USP3: variants seen among roughly 807,000 people sequenced by gnomAD.
USP3 encodes the protein ubiquitin carboxyl-terminal hydrolase 3.
A neutral mutation model predicts 72.3 loss-of-function variants in USP3; 20 were observed. The ratio of observed to expected loss-of-function variants is 0.28; its 90% CI spans 0.19 to 0.40. USP3 has a LOEUF of 0.40. Ranked by LOEUF, USP3 falls within the 10% of genes least tolerant of loss-of-function variation. USP3 has a pLI of 1.00. For synonymous variants in USP3, 222 were observed against 225.3 expected, an observed-to-expected ratio of 0.99 and a Z score of 0.13; for missense variants, 479 against 633.9, an observed-to-expected ratio of 0.76 and a Z score of 2.62.
rs902139820 is a variant in USP3 at position 63,528,245 on chromosome 15, G to C, written c.92-4402G>C. 4.5e-4 allele frequency: 69 copies of C among 152,164 alleles called. No homozygotes were observed. The highest frequency in any genetic ancestry group is 1.4e-3 in the African/African-American group (60 of 41,430). The allele number at this position is 152,164 out of a possible 1,614,324, so 9.4% of individuals were successfully genotyped here. On this transcript the variant is annotated intron_variant, in intron 1 of 14. Transcript: ENST00000380324. The surrounding 1 kb of genome is among the most constrained non-coding windows in gnomAD (Gnocchi z 4.3). ...TGGAGGACGGGGTATCTTGGTTTGA[G>C]GAAATTTTACAATCTGAGTAAAAGA...
At chr15:63,590,471 G>C (rs2067174763) in intron 14 of USP3, among the ~76,000 whole-genome samples, 190 bp from the exon 15 acceptor site, 1 of 151,532 alleles carries the variant, frequency 6.6e-6, no homozygotes, top group East Asian at 1.9e-4. Context: ...AGGGCCATCT[G>C]CTTTGTGTTC....
chr15:63,582,661 G>C (rs1314528225), intron 11 of USP3, among the ~76,000 whole-genome samples: 2 of 152,148 alleles, frequency 1.3e-5, no homozygotes, highest in East Asian at 1.9e-4. Flanking sequence ...TGGTCACCTT[G>C]TAAGTTTAAG....
intron 1 of USP3, among the ~76,000 whole-genome samples, chr15:63,531,342 G>C (rs982078): frequency 0.81 from 122,538 of 152,188 alleles, 51,179 homozygotes; most frequent in Non-Finnish European, 0.86. Flanking sequence ...AATAAAATTG[G>C]TAGGTTAGAT....
At chr15:63,506,488 C>A (rs2065715237) in intron 1 of USP3, among the ~76,000 whole-genome samples, 1 of 152,258 alleles carries the variant, frequency 6.6e-6, no homozygotes, top group Admixed American at 6.5e-5. Context: ...TAGCACACTT[C>A]TGGCATTTTT....
chr15:63,538,883 T>C (rs904420009), intron 3 of USP3, among the ~76,000 whole-genome samples: 7 of 152,184 alleles, frequency 4.6e-5, no homozygotes, highest in Middle Eastern at 3.2e-3. Flanking sequence ...GGTTATTCAT[T>C]CAGATCACTA....
intron 7 of USP3, among the ~76,000 whole-genome samples, chr15:63,561,345 T>C (rs1337166128): frequency 1.3e-5 from 2 of 152,170 alleles, no homozygotes; most frequent in African/African-American, 4.8e-5. Context: ...ACTGCAGGGC[T>C]ATTGGTGAGC....
chr15:63,511,407 C>T (rs1363414810), intron 1 of USP3, among the ~76,000 whole-genome samples: 2 of 151,882 alleles, frequency 1.3e-5, no homozygotes, highest in East Asian at 3.9e-4. Flanking sequence ...TTAAGTTCCA[C>T]ATCTCAAAAA....
chr15:63,540,616 C>T (rs2066230875), intron 3 of USP3, among the ~76,000 whole-genome samples: 5 of 152,118 alleles, frequency 3.3e-5, no homozygotes, highest in Admixed American at 3.3e-4. Flanking sequence ...ACTTCATTTC[C>T]CTCCCAAGAT....
At chr15:63,565,397 T>C (rs1259408387) in intron 8 of USP3, among the ~76,000 whole-genome samples, 1 of 152,228 alleles carries the variant, frequency 6.6e-6, no homozygotes, top group African/African-American at 2.4e-5. Flanking sequence ...ACACTTCTTA[T>C]GATTTCTTAG....
chr15:63,592,480 T>C lies in USP3; in HGVS notation c.*1654T>C, dbSNP rs2067222846. On this transcript the variant is annotated 3_prime_UTR_variant, in exon 15 of 15. Coordinates refer to ENST00000380324, the MANE Select transcript of USP3 (RefSeq NM_006537.4). Reference sequence around the variant, plus strand: ...TTTTTTTTTTTTAATGGAGTCTTACTCTGTCCCTCAGGCTGGAGTGCAGTG... The same window carrying C: ...TTTTTTTTTTTTAATGGAGTCTTACCCTGTCCCTCAGGCTGGAGTGCAGTG... The C allele has an allele frequency of 6.7e-6, 1 of 149,132 alleles. No individual in the cohort carries two copies. The highest frequency in any genetic ancestry group is 2.5e-5 in the African/African-American group (1 of 40,416). 9.2% of individuals were successfully genotyped at this position (149,132 alleles called of 1,614,324 possible).
intron 5 of USP3, 50 bp from the exon 6 acceptor site, chr15:63,558,056 G>T: frequency 6.3e-7 from 1 of 1,596,676 alleles, no homozygotes; most frequent in Non-Finnish European, 8.6e-7. Flanking sequence ...GTTTGAAACA[G>T]TTGGCCTTCC....
rs2152686186 is a variant in USP3, at chr15:63,591,670, A to G, written c.*844A>G. On this transcript the variant is annotated 3_prime_UTR_variant, in exon 15 of 15. Coordinates refer to ENST00000380324, the MANE Select transcript of USP3 (RefSeq NM_006537.4). Reference sequence around the variant, plus strand: ...ATTCCCCCTTAGTTGTACCACTGGAAGTCACGACATGTCCATTATAGACTT... The same window carrying G: ...ATTCCCCCTTAGTTGTACCACTGGAGGTCACGACATGTCCATTATAGACTT... 1 of 152,278 alleles carries G rather than the reference A, an allele frequency of 6.6e-6. No individual in the cohort carries two copies. Among genetic ancestry groups the G allele is most frequent in the African/African-American group, 2.4e-5 (1 of 41,544 alleles). The allele number at this position is 152,278 out of a possible 1,614,324, so 9.4% of individuals were successfully genotyped here.
At chr15:63,583,852 C>G (rs1279064483) in intron 11 of USP3, among the ~76,000 whole-genome samples, 1 of 152,170 alleles carries the variant, frequency 6.6e-6, no homozygotes, top group Non-Finnish European at 1.5e-5. Flanking sequence ...AGACTACATT[C>G]TGTTTATCCA....
At chr15:63,566,253 G>T (rs942024075) in intron 8 of USP3, among the ~76,000 whole-genome samples, 2 of 150,884 alleles carry the variant, frequency 1.3e-5, no homozygotes, top group African/African-American at 4.9e-5. Flanking sequence ...CAGGTTTATA[G>T]ACAATGTAAA....
At chr15:63,590,555 G>A in intron 14 of USP3, 106 bp from the exon 15 acceptor site, 1 of 1,104,852 alleles carries the variant, frequency 9.1e-7, no homozygotes, top group Non-Finnish European at 1.2e-6. Context: ...TAAATCAAAA[G>A]TCTAGGATGT....
At chr15:63,525,429 T>C (rs2065968399) in intron 1 of USP3, among the ~76,000 whole-genome samples, 1 of 152,238 alleles carries the variant, frequency 6.6e-6, no homozygotes. Flanking sequence ...AACCATCCTC[T>C]TTCAGAATGA....
At chr15:63,585,222 GT>G (rs1361879919) in intron 11 of USP3, among the ~76,000 whole-genome samples, 1 of 152,122 alleles carries the variant, frequency 6.6e-6, no homozygotes, top group African/African-American at 2.4e-5. Flanking sequence ...TTCCTTGAGA[GT>G]CCATGTGAGT....
At chr15:63,542,230 T>C (rs1371294689) in intron 3 of USP3, 4 of 978,662 alleles carry the variant, frequency 4.1e-6, no homozygotes, top group Non-Finnish European at 3.6e-6. Flanking sequence ...GACATATATG[T>C]TATTCAGTAT....
chr15:63,530,146 CA>C (rs1436872078), intron 1 of USP3, among the ~76,000 whole-genome samples: 2 of 152,050 alleles, frequency 1.3e-5, no homozygotes, highest in African/African-American at 2.4e-5. Context: ...CAAAACAAAA[CA>C]AAAACACAAC....
Sources: gnomAD v4.1 joint callset for allele counts (sites outside exome capture counted in the v4.1 genomes callset) on GRCh38, gnomAD v4.1.1 for gene constraint, Gnocchi (gnomAD v3.1) non-coding constraint, MANE v1.5 for transcripts, NCBI Gene and HGNC (gene_info 2026-07-23, HGNC 2026-07-21) for gene names.